Variants in PDE4C observed in about 807,000 individuals in gnomAD.
PDE4C encodes 3',5'-cyclic-AMP phosphodiesterase 4C.
Under a neutral mutation model 63.9 loss-of-function variants are expected in PDE4C, and 50 were observed. The ratio of observed to expected loss-of-function variants is 0.78; its 90% CI spans 0.62 to 0.99. The LOEUF is 0.99. Ranked by LOEUF, PDE4C falls within the 50% of genes least tolerant of loss-of-function variation. The pLI, the probability that PDE4C is intolerant of heterozygous loss-of-function variation, is 0.00. For synonymous variants in PDE4C, 377 were observed against 385.1 expected (o/e 0.98, Z 0.25); for missense variants, 777 against 899.1 (o/e 0.86, Z 1.74).
At chr19:18,216,782 C>T (rs200178612) in exon 12 of PDE4C, 19 of 1,613,024 alleles carry the variant, frequency 1.2e-5, no homozygotes, top group Admixed American at 5.0e-5. Context: ...CGCTGCTTGG[C>T]GCTGAGGTTC....
intron 11 of PDE4C, 26 bp downstream of exon 11, chr19:18,218,102 GGCAGGGTCCACCTCTTCTCCT>G (rs1968281176): frequency 7.2e-7 from 1 of 1,394,530 alleles, no homozygotes; most frequent in Admixed American, 1.7e-5. Flanking sequence ...ACAGGGTGGA[GGCAGGGTCCACCTCTTCTCCT>G]GCACCCACTT....
rs1428272715 is a variant in PDE4C at position 18,218,476 on chromosome 19, A to C, written c.992T>G (p.Phe331Cys). The stretch of plus-strand genomic sequence containing the variant: ...GGCCAGTGTGTCTGCTGGGATCTGG[A>C]ATGTCTTCAGCAGGTCCCGCTCCTG... Residue 331 changes from phenylalanine to cysteine, a missense_variant, in exon 10 of 15, where the codon TTC becomes TGC. Around this residue, in one of 3 missense-constraint regions of PDE4C, gnomAD observed 500 missense variants for 597.8 expected, o/e 0.84. Transcript: ENST00000262805. The C allele has an allele frequency of 9.3e-6, 15 of 1,614,004 alleles. No homozygotes were observed. The highest frequency in any genetic ancestry group is 1.3e-5 in the Non-Finnish European group (15 of 1,180,020).
exon 15 of PDE4C, chr19:18,210,942 T>C (rs781318531): frequency 1.2e-6 from 2 of 1,608,364 alleles, no homozygotes; most frequent in Non-Finnish European, 1.7e-6. Context: ...AGTCCTCTGG[T>C]TGTCGAGGGG....
upstream of PDE4C, among the ~76,000 whole-genome samples, chr19:18,248,864 A>G (rs1969185200): frequency 1.5e-5 from 1 of 65,234 alleles, no homozygotes; most frequent in Non-Finnish European, 3.3e-5. Flanking sequence ...CTCTACTAAA[A>G]ATACAAAAAA....
At chr19:18,251,891 C>G (rs969093725), upstream of PDE4C, among the ~76,000 whole-genome samples, 2 of 152,022 alleles carry the variant, frequency 1.3e-5, no homozygotes, top group Non-Finnish European at 2.9e-5. Context: ...GTGACATACA[C>G]TAGGCACTTA....
chr19:18,224,293 G>A (rs569339240), intron 1 of PDE4C: 4 of 985,468 alleles, frequency 4.1e-6, no homozygotes, highest in East Asian at 2.3e-4. Context: ...AGACAACCGG[G>A]ACCGCCTGAG....
At chr19:18,211,759 C>T (rs760062134) in exon 14 of PDE4C, 6 of 1,614,086 alleles carry the variant, frequency 3.7e-6, no homozygotes, top group Admixed American at 1.7e-5. Context: ...CCCTGCCAAC[C>T]TGGGACTTCT....
At chr19:18,247,687 G>A (rs1341330457) in intron 1 of PDE4C, among the ~76,000 whole-genome samples, 1 of 152,136 alleles carries the variant, frequency 6.6e-6, no homozygotes, top group African/African-American at 2.4e-5. Context: ...TCAGCAGGAA[G>A]GAGAGTGTTG....
chr19:18,241,277 TTTTTTTTG>T (rs1568268196), intron 1 of PDE4C, among the ~76,000 whole-genome samples: 2 of 84,212 alleles, frequency 2.4e-5, no homozygotes, highest in Non-Finnish European at 2.3e-5. Flanking sequence ...TTTTTTTTTT[TTTTTTTTG>T]AGATGGAGTC....
chr19:18,244,717 G>A (rs923445555), intron 1 of PDE4C, among the ~76,000 whole-genome samples: 1 of 151,954 alleles, frequency 6.6e-6, no homozygotes, highest in East Asian at 1.9e-4. Flanking sequence ...TCTCCATGTC[G>A]ATCAGGCTGG....
upstream of PDE4C, among the ~76,000 whole-genome samples, chr19:18,231,230 C>T (rs1049234579): frequency 6.6e-6 from 1 of 152,234 alleles, no homozygotes; most frequent in African/African-American, 2.4e-5. Flanking sequence ...CACATGCATG[C>T]TCATCCACGT....
At position 18,220,928 on chromosome 19, in the gene PDE4C, G is replaced by C. The variant is rs889601186; in HGVS notation, c.450-5C>G. ...GGGTTTCCGACGGGTCCCTGCCTGCGGTACAGCAGCCTCAGGCGTGGCTGC... is the reference window on the plus strand; with the variant it reads ...GGGTTTCCGACGGGTCCCTGCCTGCCGTACAGCAGCCTCAGGCGTGGCTGC... On this transcript the variant is annotated splice_polypyrimidine_tract_variant and splice_region_variant and intron_variant, in intron 4 of 14. Coordinates refer to ENST00000262805, the Ensembl canonical transcript of PDE4C. The surrounding 1 kb of genome is among the most constrained non-coding windows in gnomAD (Gnocchi z 5.1). 1.2e-6 allele frequency: 2 copies of C among 1,601,510 alleles called. No homozygotes were observed. Among genetic ancestry groups the C allele is most frequent in the Non-Finnish European group, 1.7e-6 (2 of 1,175,684 alleles).
intron 1 of PDE4C, chr19:18,248,149 C>T (rs1366518873): frequency 2.2e-6 from 1 of 456,222 alleles, no homozygotes; most frequent in Non-Finnish European, 4.4e-6. Flanking sequence ...CTCCAGGAGG[C>T]CCAGGCATGT....
intron 11 of PDE4C, 83 bp downstream of exon 11, chr19:18,218,065 TG>T: frequency 9.7e-7 from 1 of 1,027,850 alleles, no homozygotes; most frequent in Non-Finnish European, 1.5e-6. Context: ...TCAGGGCAGA[TG>T]GGAACCCCCT....
Position 18,218,311 on chromosome 19 carries a change from T to C in PDE4C, c.1134+23A>G, listed in dbSNP as rs765366209. ...TCTCTGGGCCCTGCACCCGCCCACCTGCCTGCAGTCATGGCGCAGTACCTC... is the reference window on the plus strand; with the variant it reads ...TCTCTGGGCCCTGCACCCGCCCACCCGCCTGCAGTCATGGCGCAGTACCTC... On this transcript the variant is annotated intron_variant, in intron 10 of 14. Coordinates refer to ENST00000262805, the Ensembl canonical transcript of PDE4C. 12 of 1,613,542 alleles carry C rather than the reference T, an allele frequency of 7.4e-6. No individual in the cohort carries two copies. In the East Asian group the frequency reaches 2.0e-4, roughly 27 times the overall value.
chr19:18,252,591 C>CCT (rs775813814), upstream of PDE4C: 24 of 354,410 alleles, frequency 6.8e-5, no homozygotes, highest in African/African-American at 1.7e-4. Flanking sequence ...ATAGCGAGAC[C>CCT]CTCTCTCTCT....
upstream of PDE4C, among the ~76,000 whole-genome samples, chr19:18,249,779 G>T (rs889085769): frequency 1.3e-5 from 2 of 151,514 alleles, no homozygotes; most frequent in African/African-American, 4.9e-5. Context: ...CGCCATGTTA[G>T]CCAGGCTGGT....
intron 1 of PDE4C, among the ~76,000 whole-genome samples, chr19:18,225,062 C>T (rs1382039657): frequency 6.6e-6 from 1 of 152,152 alleles, no homozygotes; most frequent in African/African-American, 2.4e-5. Context: ...GGACTGGGCC[C>T]GGGTTTTCTT....
At chr19:18,215,884 C>T (rs1396083233) in intron 12 of PDE4C, among the ~76,000 whole-genome samples, 3 of 134,162 alleles carry the variant, frequency 2.2e-5, no homozygotes, top group Non-Finnish European at 4.7e-5. Flanking sequence ...GGCTAGAGTG[C>T]CGTGGTGCAA....
Sources: allele counts gnomAD v4.1 joint callset (sites outside exome capture counted in the v4.1 genomes callset), GRCh38; gene constraint gnomAD v4.1.1; regional missense constraint gnomAD v4.1.1; non-coding constraint Gnocchi (gnomAD v3.1); transcripts MANE v1.5; gene names NCBI Gene and HGNC (gene_info 2026-07-23, HGNC 2026-07-21).